RIT2: variants seen among roughly 807,000 people sequenced by gnomAD.
The protein encoded by RIT2 is GTP-binding protein Rit2.
In RIT2, 24 loss-of-function variants were observed where a neutral mutation model predicts 23.7. The observed-to-expected ratio is 1.01, with a 90% CI of 0.73 to 1.43. The LOEUF is 1.43. Ranked by LOEUF, RIT2 falls within the 40% of genes most tolerant of loss-of-function variation. The pLI, the probability that RIT2 is intolerant of heterozygous loss-of-function variation, is 0.00. For missense variants in RIT2, 236 were observed against 266.9 expected, an observed-to-expected ratio of 0.88 and a Z score of 0.81; for synonymous variants, 107 against 91.1, an observed-to-expected ratio of 1.17 and a Z score of -0.99.
intron 4 of RIT2, among the ~76,000 whole-genome samples, chr18:42,831,369 T>C (rs1187973173): frequency 6.6e-6 from 1 of 152,236 alleles, no homozygotes; most frequent in Admixed American, 6.5e-5. Flanking sequence ...CCATTCTCCA[T>C]AAAATTAATT....
At chr18:43,027,024 G>A (rs1182285282) in intron 2 of RIT2, among the ~76,000 whole-genome samples, 1 of 152,124 alleles carries the variant, frequency 6.6e-6, no homozygotes, top group East Asian at 1.9e-4. Context: ...AGTATGATAT[G>A]TTGTATGCCA....
chr18:42,770,220 C>T (rs1232576896), intron 4 of RIT2, among the ~76,000 whole-genome samples: 1 of 152,144 alleles, frequency 6.6e-6, no homozygotes, highest in African/African-American at 2.4e-5. Flanking sequence ...TAACATAACA[C>T]AAATAGTTTG....
rs144233007 is a variant in RIT2, at chr18:42,924,115, C to G, written c.235-352G>C. 5.9e-4 allele frequency among the ~76,000 whole-genome samples: 90 copies of G among 151,926 alleles called. 1 individual carries two copies. Among genetic ancestry groups the G allele is most frequent in the Non-Finnish European group, 1.1e-3 (75 of 67,980 alleles). On this transcript the variant is annotated intron_variant, in intron 3 of 4. Coordinates refer to ENST00000326695, the MANE Select transcript of RIT2 (RefSeq NM_002930.4). Reference sequence around the variant, plus strand: ...TTTCTCACTCCCTATTTATTGGAACCAATTTTCTTTTCTAGAAACATTGAA... The same window carrying G: ...TTTCTCACTCCCTATTTATTGGAACGAATTTTCTTTTCTAGAAACATTGAA...
At chr18:42,853,273 T>C (rs1228146237) in intron 4 of RIT2, among the ~76,000 whole-genome samples, 2 of 152,194 alleles carry the variant, frequency 1.3e-5, no homozygotes, top group Non-Finnish European at 2.9e-5. Context: ...GGGTATTTAA[T>C]GAGATGATGT....
intron 1 of RIT2, among the ~76,000 whole-genome samples, chr18:43,097,539 A>G (rs953555402): frequency 1.3e-5 from 2 of 151,936 alleles, no homozygotes; most frequent in African/African-American, 4.8e-5. Flanking sequence ...GGAAAAGAGT[A>G]GGATATCTTA....
intron 1 of RIT2, among the ~76,000 whole-genome samples, chr18:43,045,764 G>A (rs1191235181): frequency 6.6e-6 from 1 of 151,822 alleles, no homozygotes; most frequent in Non-Finnish European, 1.5e-5. Context: ...TTTGTGCCTT[G>A]TATCATGAAT....
chr18:42,860,973 T>C (rs979823752), intron 4 of RIT2, among the ~76,000 whole-genome samples: 1 of 152,208 alleles, frequency 6.6e-6, no homozygotes, highest in Non-Finnish European at 1.5e-5. Flanking sequence ...GTGTGTGTTT[T>C]TGTGTGTTTC....
intron 3 of RIT2, among the ~76,000 whole-genome samples, chr18:42,936,899 C>T (rs984519704): frequency 2.0e-5 from 3 of 151,934 alleles, no homozygotes; most frequent in African/African-American, 7.3e-5. Flanking sequence ...GTAACCCCAG[C>T]TACTCAGGAA....
intron 1 of RIT2, among the ~76,000 whole-genome samples, chr18:43,107,937 G>A (rs144555542): frequency 0.011 from 1,632 of 151,898 alleles, 30 homozygotes; most frequent in African/African-American, 0.036. Context: ...TCCGAGGCGG[G>A]TGGATGACGA....
At chr18:42,990,920 T>G (rs990444873) in intron 2 of RIT2, among the ~76,000 whole-genome samples, 6 of 150,566 alleles carry the variant, frequency 4.0e-5, no homozygotes, top group African/African-American at 1.5e-4. Context: ...TTGTTTTTTT[T>G]TTTTTTTTTT....
At chr18:43,090,652 G>A (rs1913401249) in intron 1 of RIT2, among the ~76,000 whole-genome samples, 1 of 152,092 alleles carries the variant, frequency 6.6e-6, no homozygotes, top group African/African-American at 2.4e-5. Context: ...TAAAGAGATT[G>A]TGGTACATAT....
chr18:42,968,158 AG>A (rs1256898473), intron 3 of RIT2, among the ~76,000 whole-genome samples: 3 of 152,190 alleles, frequency 2.0e-5, no homozygotes, highest in Admixed American at 2.0e-4. Context: ...TGTTCAGAAT[AG>A]TGACTGGCTT....
intron 4 of RIT2, among the ~76,000 whole-genome samples, chr18:42,835,107 C>G (rs1238528459): frequency 1.3e-5 from 2 of 152,032 alleles, no homozygotes; most frequent in Non-Finnish European, 2.9e-5. Context: ...CTATTTCTAA[C>G]TAGAGTAAGA....
chr18:43,061,718 C>G (rs986376300), intron 1 of RIT2, among the ~76,000 whole-genome samples: 1 of 152,068 alleles, frequency 6.6e-6, no homozygotes, highest in Non-Finnish European at 1.5e-5. Flanking sequence ...TCATAAAAAC[C>G]CCCTACTCAG....
At chr18:42,936,654 C>T (rs988671630) in intron 3 of RIT2, among the ~76,000 whole-genome samples, 2 of 152,098 alleles carry the variant, frequency 1.3e-5, no homozygotes, top group Non-Finnish European at 2.9e-5. Flanking sequence ...AAGTATATAT[C>T]TCTATACTAC....
At chr18:42,970,512 G>A (rs1351400769) in intron 3 of RIT2, among the ~76,000 whole-genome samples, 1 of 151,928 alleles carries the variant, frequency 6.6e-6, no homozygotes, top group African/African-American at 2.4e-5. Context: ...CCAAAATATG[G>A]TACCTTGGAA....
chr18:42,973,113 T>C (rs1445322914), intron 3 of RIT2, among the ~76,000 whole-genome samples: 1 of 151,800 alleles, frequency 6.6e-6, no homozygotes, highest in East Asian at 1.9e-4. Context: ...GCCTACCTTT[T>C]TAATTCCTTA....
chr18:42,918,857 GTCACCAT>G (rs1030497739), intron 4 of RIT2, among the ~76,000 whole-genome samples: 8 of 151,950 alleles, frequency 5.3e-5, no homozygotes, highest in Non-Finnish European at 1.5e-5. Flanking sequence ...TAAAATAACC[GTCACCAT>G]TCACCTTATC....
intron 3 of RIT2, among the ~76,000 whole-genome samples, chr18:42,946,952 T>C (rs1909742696): frequency 6.6e-6 from 1 of 152,102 alleles, no homozygotes; most frequent in Non-Finnish European, 1.5e-5. Context: ...AGAATTTCTT[T>C]GCCTAGCAAG....
Sources: gnomAD v4.1 joint callset for allele counts (sites outside exome capture counted in the v4.1 genomes callset) on GRCh38, gnomAD v4.1.1 for gene constraint, MANE v1.5 for transcripts, NCBI Gene and HGNC (gene_info 2026-07-23, HGNC 2026-07-21) for gene names.